MYO1E: variants seen among roughly 807,000 people sequenced by gnomAD.
MYO1E encodes the protein unconventional myosin-Ie.
MYO1E carries 68 observed loss-of-function variants against 151.1 expected under a neutral mutation model. The observed-to-expected ratio is 0.45, with a 90% CI of 0.37 to 0.55. The LOEUF (loss-of-function observed/expected upper bound fraction) is 0.55. Among genes scored for constraint, MYO1E ranks in the 20% least tolerant of loss-of-function variants. The pLI is 0.00. For missense variants in MYO1E, 1,363 were observed against 1,389.3 expected (o/e 0.98, Z 0.30); for synonymous variants, 601 against 501.7 (o/e 1.20, Z -2.64).
chr15:59,372,571 C>G lies in MYO1E; in HGVS notation c.-71G>C. The G allele has an allele frequency of 6.6e-7, 1 of 1,520,124 alleles. No homozygotes were observed. Among genetic ancestry groups the G allele is most frequent in the Non-Finnish European group, 8.8e-7 (1 of 1,132,286 alleles). The allele number at this position is 1,520,124 out of a possible 1,614,324, so 94.2% of individuals were successfully genotyped here. A position where few individuals can be genotyped will look rare whatever the true frequency, so the allele number is the denominator to read the frequency against. On this transcript the variant is annotated 5_prime_UTR_variant, in exon 1 of 28. Coordinates refer to ENST00000288235, the MANE Select transcript of MYO1E (RefSeq NM_004998.4). The stretch of plus-strand genomic sequence containing the variant: ...GGAACTGGGGCTGGAACGCAGTCTT[C>G]TGGGCGAACTTCAAAAGTTGGTTCC...
chr15:59,238,588 T>A (rs551445664), intron 4 of MYO1E, among the ~76,000 whole-genome samples: 2 of 152,160 alleles, frequency 1.3e-5, no homozygotes, highest in Admixed American at 1.3e-4. Flanking sequence ...AATGGTTTTT[T>A]TGAAATGGAG....
At chr15:59,193,591 T>C (rs2079747485) in intron 17 of MYO1E, among the ~76,000 whole-genome samples, 1 of 152,108 alleles carries the variant, frequency 6.6e-6, no homozygotes, top group Non-Finnish European at 1.5e-5. Context: ...GGGATTAACC[T>C]GTAGAAGAGA....
chr15:59,239,592 G>A (rs1391021756), intron 4 of MYO1E, among the ~76,000 whole-genome samples: 1 of 152,004 alleles, frequency 6.6e-6, no homozygotes, highest in African/African-American at 2.4e-5. Flanking sequence ...GAAATATTTT[G>A]TCTCTTTTGT....
At chr15:59,219,672 T>A (rs1160996987) in intron 9 of MYO1E, among the ~76,000 whole-genome samples, 1 of 152,234 alleles carries the variant, frequency 6.6e-6, no homozygotes, top group Non-Finnish European at 1.5e-5. Context: ...CAAAATCAAA[T>A]GCACTGATCT....
rs1284552843 is a variant in MYO1E, at chr15:59,208,847, T to G, written c.1364A>C (p.Asn455Thr). 1.2e-6 allele frequency: 2 copies of G among 1,613,876 alleles called. No homozygotes were observed. The change falls in exon 14 of 28, where the codon AAC becomes ACC. Residue 455 changes from asparagine to threonine, a missense_variant and splice_region_variant. By Grantham distance (65) the Asn-to-Thr change is moderately conservative. Coordinates refer to ENST00000288235, the MANE Select transcript of MYO1E (RefSeq NM_004998.4). Reference sequence around the variant, plus strand: ...CAGGATGCTCATGATGCCAGGAGGGTTCTGATGGGAGCAAGAAGGCAAGGC... The same window carrying G: ...CAGGATGCTCATGATGCCAGGAGGGGTCTGATGGGAGCAAGAAGGCAAGGC... ...IVCDLIENKVNPPGIMSILDD... is the reference protein window; with the variant it reads ...IVCDLIENKVTPPGIMSILDD...
intron 4 of MYO1E, among the ~76,000 whole-genome samples, chr15:59,246,213 G>A (rs1417269188): frequency 6.6e-6 from 1 of 152,098 alleles, no homozygotes; most frequent in Non-Finnish European, 1.5e-5. Context: ...TGCCTCCTGG[G>A]TTCAAGTGAT....
chr15:59,196,070 A>G (rs1365472506), intron 16 of MYO1E, among the ~76,000 whole-genome samples: 1 of 152,218 alleles, frequency 6.6e-6, no homozygotes, highest in Non-Finnish European at 1.5e-5. Context: ...TAAAGTGATG[A>G]AAATTCATAG....
chr15:59,156,696 T>C (rs2079511468), intron 25 of MYO1E, among the ~76,000 whole-genome samples: 1 of 152,258 alleles, frequency 6.6e-6, no homozygotes, highest in African/African-American at 2.4e-5. Flanking sequence ...CTGGGAAGAC[T>C]GGAATCAAAT....
chr15:59,216,259 A>G (rs907839055), intron 10 of MYO1E, among the ~76,000 whole-genome samples: 41 of 152,018 alleles, frequency 2.7e-4, no homozygotes, highest in African/African-American at 7.2e-4. Flanking sequence ...CACTCACATA[A>G]TAACAGAGTG....
intron 1 of MYO1E, among the ~76,000 whole-genome samples, chr15:59,272,725 T>C (rs550342661): frequency 6.6e-6 from 1 of 152,292 alleles, no homozygotes; most frequent in East Asian, 1.9e-4. Flanking sequence ...GACAGACCCA[T>C]TTCACAACGC....
rs558496444 is a variant in MYO1E at position 59,162,826 on chromosome 15, A to G, written c.2627+331T>C. Among the ~76,000 whole-genome samples the G allele has an allele frequency of 2.0e-5, 3 of 151,828 alleles. No individual in the cohort carries two copies. The South Asian group carries it at 6.3e-4, about 32-fold the overall frequency. ...TTTTATCTGCTTCCAGTGTGATTCT[A>G]CTCCTGTCTGCTCTCCTAAATTAAA... On this transcript the variant is annotated intron_variant, in intron 23 of 27. Coordinates refer to ENST00000288235, the MANE Select transcript of MYO1E (RefSeq NM_004998.4).
chr15:59,307,856 C>T (rs1250637064), intron 1 of MYO1E, among the ~76,000 whole-genome samples: 2 of 151,542 alleles, frequency 1.3e-5, no homozygotes, highest in Non-Finnish European at 1.5e-5. Flanking sequence ...GCGATCCACC[C>T]GCCTCAGCCT....
intron 19 of MYO1E, among the ~76,000 whole-genome samples, chr15:59,176,052 TTTGTTG>T (rs35018814): frequency 2.6e-5 from 4 of 151,262 alleles, no homozygotes; most frequent in African/African-American, 4.8e-5. Flanking sequence ...TGATGTGGGT[TTTGTTG>T]TTGTTGTTGT....
chr15:59,257,929 G>C (rs1596387918), intron 3 of MYO1E, among the ~76,000 whole-genome samples: 1 of 152,302 alleles, frequency 6.6e-6, no homozygotes, highest in East Asian at 1.9e-4. Context: ...TAATTTAACA[G>C]AGTTTAACTG....
At chr15:59,169,950 G>A (rs148407179) in intron 22 of MYO1E, among the ~76,000 whole-genome samples, 155 of 152,194 alleles carry the variant, frequency 1.0e-3, no homozygotes, top group African/African-American at 3.3e-3. Flanking sequence ...ACTTGAAGTC[G>A]GGAGTTCAAG....
chr15:59,317,532 T>C (rs1211816431), intron 1 of MYO1E, among the ~76,000 whole-genome samples: 1 of 144,010 alleles, frequency 6.9e-6, no homozygotes, highest in Non-Finnish European at 1.5e-5. Flanking sequence ...ATATGCAAGA[T>C]GACCACTCAG....
chr15:59,305,046 C>T lies in MYO1E; in HGVS notation c.4-32597G>A, dbSNP rs560849880. Among the ~76,000 whole-genome samples the T allele has an allele frequency of 4.9e-4, 75 of 152,326 alleles. 1 individual carries two copies. The South Asian group carries it at 0.013, about 26-fold the overall frequency. On this transcript the variant is annotated intron_variant, in intron 1 of 27. Coordinates refer to ENST00000288235, the MANE Select transcript of MYO1E (RefSeq NM_004998.4). ...CGAGCTGTGAGCACCTGACCAGCGT[C>T]GAGCAACACTGTGAACGAGTGGTGT... is the stretch of plus-strand genomic sequence containing the variant.
chr15:59,276,201 A>G (rs1159520432), intron 1 of MYO1E, among the ~76,000 whole-genome samples: 1 of 152,046 alleles, frequency 6.6e-6, no homozygotes, highest in Non-Finnish European at 1.5e-5. Context: ...GGCAGCAGAG[A>G]TGGTTCCTCA....
At position 59,236,673 on chromosome 15, in the gene MYO1E, CT is replaced by C; in HGVS notation, c.333-2del. ...TGTTTTTCCAGCACCACTTTCACCA[CT>C]AAAGAAAGACAGACAAAGAATCCAC... On this transcript the variant is annotated splice_acceptor_variant, in intron 4 of 27. Transcript: ENST00000288235. LOFTEE classifies it high-confidence loss of function. 6.2e-7 allele frequency: 1 copy of C among 1,611,254 alleles called. No homozygotes were observed. Among genetic ancestry groups the C allele is most frequent in the Non-Finnish European group, 8.5e-7 (1 of 1,177,464 alleles).
Sources: allele counts gnomAD v4.1 joint callset (sites outside exome capture counted in the v4.1 genomes callset), GRCh38; gene constraint gnomAD v4.1.1; transcripts MANE v1.5; gene names NCBI Gene and HGNC (gene_info 2026-07-23, HGNC 2026-07-21).